TMEM184B: variants seen among roughly 807,000 people sequenced by gnomAD.
TMEM184B encodes the protein transmembrane protein 184B.
A neutral mutation model predicts 41.8 loss-of-function variants in TMEM184B; 17 were observed. The ratio of observed to expected loss-of-function variants is 0.41; its 90% CI spans 0.28 to 0.61. The LOEUF (loss-of-function observed/expected upper bound fraction) is 0.61, where lower values mean the gene tolerates loss of function less well. Ranked by LOEUF, TMEM184B falls within the 20% of genes least tolerant of loss-of-function variation. The pLI, the probability that TMEM184B is intolerant of heterozygous loss-of-function variation, is 0.34. For synonymous variants in TMEM184B, 240 were observed against 229.5 expected (o/e 1.05, Z -0.41); for missense variants, 393 against 557.8 (o/e 0.70, Z 2.98).
Position 38,219,729 on chromosome 22 carries a change from G to A in TMEM184B, c.*1740C>T. The A allele has an allele frequency of 1.0e-6, 1 of 985,752 alleles. No individual in the cohort carries two copies. The highest frequency in any genetic ancestry group is 1.2e-6 in the Non-Finnish European group (1 of 830,150). The allele number at this position is 985,752 out of a possible 1,614,324, so 61.1% of individuals were successfully genotyped here. ...TCAGCAGCACTTTGGCCTGGAGGGAGAAGGGAAGCCACGGTGGAGAGACAG... is the reference window on the plus strand; with the variant it reads ...TCAGCAGCACTTTGGCCTGGAGGGAAAAGGGAAGCCACGGTGGAGAGACAG... On this transcript the variant is annotated 3_prime_UTR_variant, in exon 9 of 9. Coordinates refer to ENST00000361906, the MANE Select transcript of TMEM184B (RefSeq NM_012264.5).
chr22:38,236,624 C>A (rs1227851430), intron 3 of TMEM184B, among the ~76,000 whole-genome samples: 2 of 152,088 alleles, frequency 1.3e-5, no homozygotes, highest in East Asian at 3.9e-4. Flanking sequence ...GCTGGGACTA[C>A]AGGTGTGGGC....
At chr22:38,233,873 G>A (rs1212343541) in intron 3 of TMEM184B, among the ~76,000 whole-genome samples, 1 of 152,086 alleles carries the variant, frequency 6.6e-6, no homozygotes, top group East Asian at 1.9e-4. Flanking sequence ...GGGTTCAAGT[G>A]GTTCTCCTGT....
At chr22:38,243,080 C>T (rs533004344) in intron 3 of TMEM184B, among the ~76,000 whole-genome samples, 1 of 150,430 alleles carries the variant, frequency 6.6e-6, no homozygotes, top group Non-Finnish European at 1.5e-5. Context: ...CTGGTGAACT[C>T]GGGGGCAGCC....
At chr22:38,234,975 G>C (rs2091736280) in intron 3 of TMEM184B, among the ~76,000 whole-genome samples, 1 of 152,186 alleles carries the variant, frequency 6.6e-6, no homozygotes, top group African/African-American at 2.4e-5. Flanking sequence ...TGAGCTGAGG[G>C]CACAGTCAAG....
At chr22:38,264,739 C>T (rs1401837323) in intron 1 of TMEM184B, among the ~76,000 whole-genome samples, 3 of 152,216 alleles carry the variant, frequency 2.0e-5, no homozygotes, top group African/African-American at 4.8e-5. Context: ...CTTTCTCCCA[C>T]TTCCACAAAT....
At chr22:38,260,428 A>G (rs1314223441) in intron 1 of TMEM184B, among the ~76,000 whole-genome samples, 1 of 152,108 alleles carries the variant, frequency 6.6e-6, no homozygotes, top group Non-Finnish European at 1.5e-5. Flanking sequence ...TGCAAAACAG[A>G]GGTTTGAAGG....
At chr22:38,233,647 T>C (rs2091693820) in intron 3 of TMEM184B, among the ~76,000 whole-genome samples, 1 of 152,210 alleles carries the variant, frequency 6.6e-6, no homozygotes, top group African/African-American at 2.4e-5. Context: ...AAGCCAAACC[T>C]GATGTCAGCC....
chr22:38,236,868 G>C (rs2091785955), intron 3 of TMEM184B, among the ~76,000 whole-genome samples: 2 of 152,122 alleles, frequency 1.3e-5, no homozygotes, highest in South Asian at 4.1e-4. Context: ...ATCAGGCTGG[G>C]TAACCCCTCA....
At chr22:38,235,667 C>A (rs988311997) in intron 3 of TMEM184B, among the ~76,000 whole-genome samples, 2 of 152,210 alleles carry the variant, frequency 1.3e-5, no homozygotes, top group African/African-American at 4.8e-5. Context: ...TCAGACGTGA[C>A]GCAACCGGCC....
chr22:38,251,106 A>C (rs1419391152), intron 1 of TMEM184B, among the ~76,000 whole-genome samples: 1 of 151,764 alleles, frequency 6.6e-6, no homozygotes, highest in Non-Finnish European at 1.5e-5. Context: ...TAGCCTCCAG[A>C]CTCTTCTAGC....
At chr22:38,254,171 C>T (rs1178417278) in intron 1 of TMEM184B, among the ~76,000 whole-genome samples, 5 of 148,202 alleles carry the variant, frequency 3.4e-5, no homozygotes, top group Non-Finnish European at 5.9e-5. Context: ...ATTGCACTCC[C>T]GCCCTTAGGG....
intron 2 of TMEM184B, 23 bp downstream of exon 2, chr22:38,247,747 G>A (rs1430417174): frequency 1.6e-5 from 26 of 1,601,424 alleles, no homozygotes; most frequent in Non-Finnish European, 2.2e-5. Flanking sequence ...CCTTTCTAGA[G>A]GCCCCTTGCC....
At chr22:38,259,170 G>A (rs768920864) in intron 1 of TMEM184B, among the ~76,000 whole-genome samples, 3 of 152,180 alleles carry the variant, frequency 2.0e-5, no homozygotes, top group Admixed American at 6.5e-5. Context: ...AGTTTATTTC[G>A]GGAGCATCCC....
At chr22:38,250,877 A>G (rs1255072209) in intron 1 of TMEM184B, among the ~76,000 whole-genome samples, 1 of 152,172 alleles carries the variant, frequency 6.6e-6, no homozygotes, top group Non-Finnish European at 1.5e-5. Context: ...CCCACTTGGC[A>G]TTCAGGGCCC....
In TMEM184B at chr22:38,220,109, C is replaced by T. The variant is rs2091218470; in HGVS notation, c.*1360G>A. The T allele has an allele frequency of 1.0e-6, 1 of 985,446 alleles. No homozygotes were observed. Among genetic ancestry groups the T allele is most frequent in the East Asian group, 1.1e-4 (1 of 8,808 alleles). The allele number at this position is 985,446 out of a possible 1,614,324, so 61.0% of individuals were successfully genotyped here. ...AATCTGGGTTTTAAATGCCAGGACA[C>T]TTTGCCTGTAGGGACACGTGTTGTG... is the stretch of plus-strand genomic sequence containing the variant. On this transcript the variant is annotated 3_prime_UTR_variant, in exon 9 of 9. Coordinates refer to ENST00000361906, the MANE Select transcript of TMEM184B (RefSeq NM_012264.5).
intron 3 of TMEM184B, among the ~76,000 whole-genome samples, chr22:38,235,781 T>G (rs1271310603): frequency 6.6e-6 from 1 of 152,132 alleles, no homozygotes; most frequent in Non-Finnish European, 1.5e-5. Flanking sequence ...GTGTTTAAAA[T>G]GGAAAACTCA....
chr22:38,269,871 G>A (rs148654190), intron 1 of TMEM184B, among the ~76,000 whole-genome samples: 48 of 152,278 alleles, frequency 3.2e-4, no homozygotes, highest in African/African-American at 1.0e-3. Context: ...GTCTAAAAGC[G>A]ATGCCAGGGG....
chr22:38,245,495 C>A (rs571602114), intron 3 of TMEM184B, among the ~76,000 whole-genome samples: 1 of 148,004 alleles, frequency 6.8e-6, no homozygotes, highest in South Asian at 2.1e-4. Context: ...GCCCTTGCTT[C>A]CAGGTACCTG....
At chr22:38,253,183 G>T (rs991924881) in intron 1 of TMEM184B, among the ~76,000 whole-genome samples, 1 of 152,134 alleles carries the variant, frequency 6.6e-6, no homozygotes, top group African/African-American at 2.4e-5. Context: ...AATGGGAGCC[G>T]CGGTGGCTCA....
Sources: gnomAD v4.1 joint callset for allele counts (sites outside exome capture counted in the v4.1 genomes callset) on GRCh38, gnomAD v4.1.1 for gene constraint, MANE v1.5 for transcripts, NCBI Gene and HGNC (gene_info 2026-07-23, HGNC 2026-07-21) for gene names.